Variants in COL24A1 observed in about 807,000 individuals in gnomAD.
COL24A1 encodes collagen type XXIV alpha 1 chain, also known as collagen alpha-1(XXIV) chain.
Under a neutral mutation model 253.9 loss-of-function variants are expected in COL24A1, and 224 were observed. That is an observed-to-expected ratio of 0.88 (90% confidence interval 0.79 to 0.99). The LOEUF is 0.99. Ranked by LOEUF, COL24A1 falls within the 50% of genes least tolerant of loss-of-function variation. COL24A1 has a pLI of 0.00. For missense variants in COL24A1, 2,131 were observed against 2,068.5 expected (o/e 1.03, Z -0.59); for synonymous variants, 685 against 673.7 (o/e 1.02, Z -0.26).
rs1406928368 is a variant in COL24A1, at chr1:86,124,906, T to A, written c.1430A>T (p.Asp477Val). Residue 477 changes from aspartate (D) to valine (V), a missense_variant, in exon 3 of 60, where the codon GAT becomes GTT. Coordinates refer to ENST00000370571, the MANE Select transcript of COL24A1 (RefSeq NM_152890.7). ...CTCCATTTCAAGCATTGTATTTAGATCCTCATAATAATAATAATCATAAAG... is the reference window on the plus strand; with the variant it reads ...CTCCATTTCAAGCATTGTATTTAGAACCTCATAATAATAATAATCATAAAG... ...TELYDYYYYE[D>V]LNTMLEMEYL... 1 of 1,609,900 alleles carries A rather than the reference T, an allele frequency of 6.2e-7. No homozygotes were observed. Among genetic ancestry groups the A allele is most frequent in the Non-Finnish European group, 8.5e-7 (1 of 1,178,668 alleles).
rs538581969 is a variant in COL24A1 at position 85,827,142 on chromosome 1, T to C, written c.3682-3404A>G. Among the ~76,000 whole-genome samples the C allele has an allele frequency of 5.4e-4, 82 of 152,278 alleles. 1 individual carries two copies. The Middle Eastern group carries it at 0.017, about 32-fold the overall frequency. On this transcript the variant is annotated intron_variant, in intron 43 of 59. Transcript: ENST00000370571. ...GGAGAGTTTTTAGCATGAAGGGCTG[T>C]TGAATTTTGTCAAAGGCCTTTTCTG...
At chr1:85,886,219 T>C (rs1682479310) in intron 32 of COL24A1, among the ~76,000 whole-genome samples, 1 of 151,994 alleles carries the variant, frequency 6.6e-6, no homozygotes, top group African/African-American at 2.4e-5. Flanking sequence ...GGCTAATCTT[T>C]TGTATTTTTA....
Position 85,868,532 on chromosome 1 carries a change from T to C in COL24A1, c.3287A>G (p.Gln1096Arg). Residue 1096 changes from glutamine (Q) to arginine (R), a missense_variant, in exon 37 of 60, where the codon CAA becomes CGA. Transcript: ENST00000370571. ...AGCAGTACTTACCGGAAGGCCTGTT[T>C]GGCCTGATCTACCCAAGGGTCCTAT... ...GIIGPLGRSG[Q>R]TGLPGPEGIV... 3 of 1,613,368 alleles carry C rather than the reference T, an allele frequency of 1.9e-6. No individual in the cohort carries two copies. The East Asian group carries it at 6.7e-5, about 36-fold the overall frequency.
At chr1:85,793,656 T>C (rs1670528943) in intron 47 of COL24A1, among the ~76,000 whole-genome samples, 1 of 152,196 alleles carries the variant, frequency 6.6e-6, no homozygotes, top group African/African-American at 2.4e-5. Flanking sequence ...TCCATGAGCC[T>C]TTCTGTTCCA....
intron 19 of COL24A1, among the ~76,000 whole-genome samples, chr1:85,996,394 G>C (rs764185194): frequency 1.3e-5 from 2 of 151,866 alleles, no homozygotes; most frequent in Non-Finnish European, 2.9e-5. Flanking sequence ...ATATCAATTC[G>C]GCTGAGCACG....
At chr1:85,766,435 G>A (rs1016848410) in intron 53 of COL24A1, among the ~76,000 whole-genome samples, 1 of 149,354 alleles carries the variant, frequency 6.7e-6, no homozygotes, top group Admixed American at 6.7e-5. Context: ...ATGAATCTAG[G>A]GACTCATTTT....
intron 19 of COL24A1, among the ~76,000 whole-genome samples, chr1:86,002,701 A>G (rs1438507349): frequency 1.3e-5 from 2 of 152,144 alleles, no homozygotes; most frequent in South Asian, 2.1e-4. Context: ...AGACACATGC[A>G]CTCAAGATGG....
rs581018 is a variant in COL24A1, at chr1:86,026,420, G to T, written c.2050-3413C>A. Among the ~76,000 whole-genome samples, 1,497 of 152,220 alleles carry T rather than the reference G, an allele frequency of 9.8e-3. 36 individuals are homozygous for T. The highest frequency in any genetic ancestry group is 0.034 in the African/African-American group (1,397 of 41,530). On this transcript the variant is annotated intron_variant, in intron 14 of 59. Transcript: ENST00000370571. ...GTGGACATAATCAGATCATTGGGGA[G>T]GATTCCCCCATGCTATTCTCATGAT...
chr1:86,076,530 A>G, intron 7 of COL24A1, among the ~76,000 whole-genome samples: 1 of 152,210 alleles, frequency 6.6e-6, no homozygotes, highest in African/African-American at 2.4e-5. Flanking sequence ...TCACAGAATT[A>G]GAAAAAACTA....
chr1:86,147,098 G>C (rs531422960), intron 1 of COL24A1, among the ~76,000 whole-genome samples: 1 of 152,144 alleles, frequency 6.6e-6, no homozygotes, highest in Admixed American at 6.5e-5. Flanking sequence ...ATGCAGTTCC[G>C]CAAGGAGTGA....
At chr1:85,892,107 CT>C (rs1207127278) in intron 31 of COL24A1, among the ~76,000 whole-genome samples, 1 of 152,050 alleles carries the variant, frequency 6.6e-6, no homozygotes, top group Non-Finnish European at 1.5e-5. Flanking sequence ...GATAGAGAAA[CT>C]GAAGCCCAGA....
Position 86,024,427 on chromosome 1 carries a change from G to A in COL24A1, c.2050-1420C>T, listed in dbSNP as rs1286680304. Among the ~76,000 whole-genome samples the A allele has an allele frequency of 2.6e-5, 4 of 152,230 alleles. 1 individual carries two copies. The highest frequency in any genetic ancestry group is 4.1e-4 in the South Asian group (2 of 4,826). ...ACTGAAGGGATTAATTTGAAATGGT[G>A]ATTTCTAGAGCTCAATATCCTAACA... On this transcript the variant is annotated intron_variant, in intron 14 of 59. Coordinates refer to ENST00000370571, the MANE Select transcript of COL24A1 (RefSeq NM_152890.7).
At chr1:85,827,667 C>T (rs1272564893) in intron 43 of COL24A1, among the ~76,000 whole-genome samples, 5 of 151,922 alleles carry the variant, frequency 3.3e-5, no homozygotes, top group East Asian at 1.9e-4. Context: ...GTGTATGTGT[C>T]GAGGAATTTA....
At chr1:86,121,211 A>C (rs1299395111) in intron 3 of COL24A1, among the ~76,000 whole-genome samples, 1 of 152,208 alleles carries the variant, frequency 6.6e-6, no homozygotes, top group Non-Finnish European at 1.5e-5. Flanking sequence ...TAATGGGTGC[A>C]GCAAACCAAC....
intron 5 of COL24A1, among the ~76,000 whole-genome samples, chr1:86,101,667 C>T (rs1557626900): frequency 6.6e-6 from 1 of 152,128 alleles, no homozygotes; most frequent in Admixed American, 6.6e-5. Context: ...GTCTTTAATT[C>T]TGTTTATGTG....
chr1:86,047,006 GA>G, intron 11 of COL24A1, 137 bp from the exon 12 acceptor site: 1 of 653,448 alleles, frequency 1.5e-6, no homozygotes, highest in South Asian at 1.9e-5. Flanking sequence ...GTGATATTCA[GA>G]AAAGCCTCAA....
intron 14 of COL24A1, among the ~76,000 whole-genome samples, chr1:86,031,437 C>T: frequency 6.6e-6 from 1 of 151,976 alleles, no homozygotes; most frequent in Non-Finnish European, 1.5e-5. Context: ...TGAGGTGATA[C>T]AAGCACCAAT....
chr1:86,099,292 G>A (rs935792716), intron 5 of COL24A1, among the ~76,000 whole-genome samples: 1 of 152,092 alleles, frequency 6.6e-6, no homozygotes, highest in Non-Finnish European at 1.5e-5. Flanking sequence ...TATTAGAAGA[G>A]AAGAAAGGTT....
chr1:85,773,821 G>C (rs1668241219), intron 53 of COL24A1, among the ~76,000 whole-genome samples: 2 of 152,120 alleles, frequency 1.3e-5, no homozygotes, highest in African/African-American at 2.4e-5. Flanking sequence ...TGCTAATGGA[G>C]ACAATTTGAC....
Sources: allele counts gnomAD v4.1 joint callset (sites outside exome capture counted in the v4.1 genomes callset), GRCh38; gene constraint gnomAD v4.1.1; transcripts MANE v1.5; gene names NCBI Gene and HGNC (gene_info 2026-07-23, HGNC 2026-07-21).